The following CTDSPL2 variants were observed in gnomAD, a reference collection of about 807,000 sequenced individuals.
CTDSPL2 encodes CTD small phosphatase-like protein 2.
CTDSPL2 carries 5 observed loss-of-function variants against 60.0 expected under a neutral mutation model. The ratio of observed to expected loss-of-function variants is 0.08; its 90% CI spans 0.04 to 0.18. CTDSPL2 has a LOEUF of 0.18. CTDSPL2 is among the 10% of genes least tolerant of loss of function. The probability of loss-of-function intolerance (pLI) is 1.00; values close to 1 mark genes in which losing one functional copy is unlikely to be tolerated. For missense variants in CTDSPL2, 370 were observed against 548.8 expected, an observed-to-expected ratio of 0.67 and a Z score of 3.26; for synonymous variants, 186 against 189.3, an observed-to-expected ratio of 0.98 and a Z score of 0.14.
At chr15:44,521,675 A>C (rs2081770901) in intron 12 of CTDSPL2, among the ~76,000 whole-genome samples, 1 of 152,040 alleles carries the variant, frequency 6.6e-6, no homozygotes, top group South Asian at 2.1e-4. Flanking sequence ...GCGGTGGCTC[A>C]CGCCTGTAAT....
chr15:44,511,740 C>G (rs777215983), intron 8 of CTDSPL2, among the ~76,000 whole-genome samples: 1 of 151,834 alleles, frequency 6.6e-6, no homozygotes, highest in Non-Finnish European at 1.5e-5. Context: ...TGGTGGCACA[C>G]GCCTATAACC....
At chr15:44,521,735 G>A (rs561086776) in intron 12 of CTDSPL2, among the ~76,000 whole-genome samples, 42 of 151,578 alleles carry the variant, frequency 2.8e-4, no homozygotes, top group African/African-American at 9.4e-4. Flanking sequence ...TCAGGAGATC[G>A]AGACCATCCT....
At chr15:44,442,121 C>T (rs1567060439) in intron 1 of CTDSPL2, among the ~76,000 whole-genome samples, 2 of 152,110 alleles carry the variant, frequency 1.3e-5, no homozygotes, top group Non-Finnish European at 2.9e-5. Flanking sequence ...CTTGCTTATT[C>T]TTCTATTTCC....
At chr15:44,483,620 A>G (rs957097219) in intron 2 of CTDSPL2, among the ~76,000 whole-genome samples, 2 of 152,210 alleles carry the variant, frequency 1.3e-5, no homozygotes, top group Non-Finnish European at 2.9e-5. Flanking sequence ...AAAGTATACT[A>G]TTTTAGTCCA....
intron 1 of CTDSPL2, among the ~76,000 whole-genome samples, chr15:44,438,961 A>G (rs2080028540): frequency 6.6e-6 from 1 of 152,114 alleles, no homozygotes; most frequent in Non-Finnish European, 1.5e-5. Context: ...GTTGTGAACA[A>G]GTAGGGCTGT....
At chr15:44,441,075 G>T (rs1346406481) in intron 1 of CTDSPL2, among the ~76,000 whole-genome samples, 1 of 152,190 alleles carries the variant, frequency 6.6e-6, no homozygotes, top group Non-Finnish European at 1.5e-5. Context: ...CTCTAGGCCA[G>T]ACTGCAATTT....
intron 2 of CTDSPL2, among the ~76,000 whole-genome samples, chr15:44,467,908 A>AT (rs979760177): frequency 6.6e-5 from 10 of 151,724 alleles, no homozygotes; most frequent in Admixed American, 3.3e-4. Flanking sequence ...TAGTACATAA[A>AT]TTTTTTTTTG....
intron 2 of CTDSPL2, among the ~76,000 whole-genome samples, chr15:44,459,525 CA>C (rs954820097): frequency 2.5e-4 from 37 of 150,122 alleles, no homozygotes; most frequent in Admixed American, 5.3e-4. Flanking sequence ...GACTCCGTCT[CA>C]AAAAAAAATA....
chr15:44,439,878 G>C (rs1436090085), intron 1 of CTDSPL2, among the ~76,000 whole-genome samples: 1 of 152,130 alleles, frequency 6.6e-6, no homozygotes, highest in Admixed American at 6.6e-5. Flanking sequence ...TGTTTGTTTG[G>C]TTTTGTTATC....
rs554012597 is a variant in CTDSPL2 at position 44,450,157 on chromosome 15, G to A, written c.-24-8834G>A. ...ATTAAGAGCATTTTTCAATTTTAGT[G>A]TTTTAGATTTTTAGAAAAAAGAGGG... On this transcript the variant is annotated intron_variant, in intron 1 of 12. Transcript: ENST00000260327. Among the ~76,000 whole-genome samples the A allele has an allele frequency of 9.2e-5, 14 of 152,008 alleles. 1 individual carries two copies. The highest frequency in any genetic ancestry group is 1.9e-4 in the Non-Finnish European group (13 of 67,958).
chr15:44,445,774 A>C (rs1291629805), intron 1 of CTDSPL2, among the ~76,000 whole-genome samples: 3 of 150,758 alleles, frequency 2.0e-5, no homozygotes, highest in Non-Finnish European at 4.4e-5. Context: ...AGTAGCTGGG[A>C]TTACAGGCGC....
intron 1 of CTDSPL2, among the ~76,000 whole-genome samples, chr15:44,429,168 A>T (rs1382567487): frequency 1.3e-5 from 2 of 152,228 alleles, no homozygotes; most frequent in Non-Finnish European, 2.9e-5. Flanking sequence ...ACATTATTAT[A>T]ATCCTCATTT....
chr15:44,433,817 G>C (rs2079913650), intron 1 of CTDSPL2, among the ~76,000 whole-genome samples: 1 of 151,828 alleles, frequency 6.6e-6, no homozygotes, highest in South Asian at 2.1e-4. Context: ...GCTGGGCATG[G>C]TGGTGTATGC....
chr15:44,512,948 T>C (rs922659324), intron 8 of CTDSPL2, among the ~76,000 whole-genome samples: 20 of 151,910 alleles, frequency 1.3e-4, no homozygotes, highest in Non-Finnish European at 2.9e-5. Context: ...GGCCCATGCC[T>C]GTAATCCCAG....
At chr15:44,464,128 G>C (rs577215028) in intron 2 of CTDSPL2, among the ~76,000 whole-genome samples, 1 of 152,204 alleles carries the variant, frequency 6.6e-6, no homozygotes, top group African/African-American at 2.4e-5. Flanking sequence ...TCCTGTCTCA[G>C]CTTCCCGAGT....
intron 2 of CTDSPL2, among the ~76,000 whole-genome samples, chr15:44,467,583 A>G (rs912038559): frequency 6.6e-6 from 1 of 150,982 alleles, no homozygotes; most frequent in Non-Finnish European, 1.5e-5. Flanking sequence ...TATTTATTTT[A>G]TTTTTTTTGA....
intron 8 of CTDSPL2, among the ~76,000 whole-genome samples, chr15:44,512,145 A>G (rs1288654800): frequency 3.3e-5 from 5 of 151,938 alleles, no homozygotes; most frequent in African/African-American, 2.4e-5. Context: ...TGCAGTGGCC[A>G]TGTTTGCACC....
chr15:44,459,840 C>G (rs79885240), intron 2 of CTDSPL2, among the ~76,000 whole-genome samples: 4,068 of 152,240 alleles, frequency 0.027, 96 homozygotes, highest in East Asian at 0.1. Context: ...TGATGTCTCT[C>G]ATCTATTCAA....
rs570651348 is a variant in CTDSPL2, at chr15:44,524,932, T to G, written c.*758T>G. Reference sequence around the variant, plus strand: ...TTCAAAAATCAAGAGACTGGGTAGATAAGAATATATGAATGACTAATATAC... The same window carrying G: ...TTCAAAAATCAAGAGACTGGGTAGAGAAGAATATATGAATGACTAATATAC... On this transcript the variant is annotated 3_prime_UTR_variant, in exon 13 of 13. Coordinates refer to ENST00000260327, the MANE Select transcript of CTDSPL2 (RefSeq NM_016396.3). The G allele has an allele frequency of 2.6e-5, 4 of 153,470 alleles. No homozygotes were observed. In the South Asian group the frequency reaches 8.3e-4, roughly 32 times the overall value. The allele number at this position is 153,470 out of a possible 1,614,324, so 9.5% of individuals were successfully genotyped here.
Sources: gnomAD v4.1 joint callset for allele counts (sites outside exome capture counted in the v4.1 genomes callset) on GRCh38, gnomAD v4.1.1 for gene constraint, MANE v1.5 for transcripts, NCBI Gene and HGNC (gene_info 2026-07-23, HGNC 2026-07-21) for gene names.